TTLL5: variants seen among roughly 807,000 people sequenced by gnomAD.
The protein encoded by TTLL5 is tubulin tyrosine ligase like 5.
TTLL5 carries 132 observed loss-of-function variants against 168.4 expected under a neutral mutation model. The observed-to-expected ratio is 0.78, with a 90% CI of 0.68 to 0.91. TTLL5 has a LOEUF of 0.91. Ranked by LOEUF, TTLL5 falls within the 40% of genes least tolerant of loss-of-function variation. The probability of loss-of-function intolerance (pLI) is 0.00; values close to 1 mark genes in which losing one functional copy is unlikely to be tolerated. For missense variants in TTLL5, 1,545 were observed against 1,581.5 expected (o/e 0.98, Z 0.39); for synonymous variants, 546 against 558.6 (o/e 0.98, Z 0.32).
At chr14:75,760,702 G>A (rs1388139213) in intron 18 of TTLL5, among the ~76,000 whole-genome samples, 2 of 152,008 alleles carry the variant, frequency 1.3e-5, no homozygotes, top group Non-Finnish European at 2.9e-5. Context: ...TAAAAATGAG[G>A]ATGGAACAAC....
At chr14:75,685,156 C>G (rs896996179) in intron 5 of TTLL5, among the ~76,000 whole-genome samples, 3 of 152,036 alleles carry the variant, frequency 2.0e-5, no homozygotes, top group Admixed American at 1.3e-4. Flanking sequence ...CCAAGGCAGA[C>G]AGATCGCTTG....
chr14:75,693,509 A>G (rs1885605215), intron 6 of TTLL5, among the ~76,000 whole-genome samples: 1 of 152,258 alleles, frequency 6.6e-6, no homozygotes, highest in African/African-American at 2.4e-5. Flanking sequence ...AACTGTTCTC[A>G]GTAATTTGAG....
At chr14:75,935,674 A>G (rs1346402752) in intron 31 of TTLL5, among the ~76,000 whole-genome samples, 2 of 152,216 alleles carry the variant, frequency 1.3e-5, no homozygotes, top group Non-Finnish European at 2.9e-5. Flanking sequence ...AGATATTGTT[A>G]AGTAAAAGAT....
intron 31 of TTLL5, among the ~76,000 whole-genome samples, chr14:75,907,614 A>G (rs934059139): frequency 1.3e-5 from 2 of 152,236 alleles, no homozygotes; most frequent in African/African-American, 2.4e-5. Flanking sequence ...AGCTTCAAAT[A>G]TCTTTCCCTA....
intron 29 of TTLL5, among the ~76,000 whole-genome samples, chr14:75,864,783 CA>C (rs1388494359): frequency 6.6e-6 from 1 of 152,064 alleles, no homozygotes; most frequent in Non-Finnish European, 1.5e-5. Context: ...ATCTCCTGAT[CA>C]TTTTTTTCTT....
At chr14:75,685,406 T>C (rs1884972817) in intron 5 of TTLL5, among the ~76,000 whole-genome samples, 1 of 151,628 alleles carries the variant, frequency 6.6e-6, no homozygotes, top group African/African-American at 2.4e-5. Flanking sequence ...GGTGGTGTTA[T>C]GATTTTGTCT....
In TTLL5 at chr14:75,681,588, C is replaced by T. The variant is rs1490382792; in HGVS notation, c.225C>T (p.Arg75=). 2.5e-6 allele frequency: 4 copies of T among 1,613,402 alleles called. No homozygotes were observed. Among genetic ancestry groups the T allele is most frequent in the Non-Finnish European group, 2.5e-6 (3 of 1,179,970 alleles). Residue 75 remains arginine (R), a synonymous_variant, in exon 4 of 32, where the codon CGC becomes CGT. Transcript: ENST00000298832. ...ATAAGATTGTACGAACGGACAGTCG[C>T]CTAGTACGCAGCATTCTGACAGCCC... ...LSYKIVRTDS[R]LVRSILTAHG...
chr14:75,672,645 TGCTG>T (rs1258014402), intron 3 of TTLL5, among the ~76,000 whole-genome samples: 1 of 152,240 alleles, frequency 6.6e-6, no homozygotes, highest in Non-Finnish European at 1.5e-5. Flanking sequence ...ATCAGGGTAA[TGCTG>T]GCCTCATAGA....
intron 26 of TTLL5, 113 bp downstream of exon 26, chr14:75,783,643 C>A: frequency 7.2e-7 from 1 of 1,384,790 alleles, no homozygotes; most frequent in Non-Finnish European, 9.7e-7. Context: ...TGGAAATGGA[C>A]ACACACTGCA....
chr14:75,912,926 G>A (rs1313550685), intron 31 of TTLL5, among the ~76,000 whole-genome samples: 1 of 152,210 alleles, frequency 6.6e-6, no homozygotes, highest in Non-Finnish European at 1.5e-5. Flanking sequence ...AAGGAATATA[G>A]TCTAAGTTTC....
chr14:75,826,074 G>A (rs1010632842), intron 28 of TTLL5, among the ~76,000 whole-genome samples: 25 of 152,058 alleles, frequency 1.6e-4, no homozygotes, highest in African/African-American at 5.8e-4. Context: ...CTGGCTGGAC[G>A]TCATACCAGG....
chr14:75,951,432 C>T (rs2034957533), intron 31 of TTLL5, among the ~76,000 whole-genome samples: 1 of 152,064 alleles, frequency 6.6e-6, no homozygotes, highest in Admixed American at 6.6e-5. Flanking sequence ...TCCTGAATAG[C>T]ACTTATCTTA....
intron 12 of TTLL5, among the ~76,000 whole-genome samples, chr14:75,725,482 A>C (rs1166453635): frequency 2.6e-5 from 4 of 152,244 alleles, no homozygotes; most frequent in African/African-American, 9.6e-5. Flanking sequence ...ATTTCTTTTT[A>C]GTCTTCGACA....
At chr14:75,847,911 G>A (rs1032182932) in intron 28 of TTLL5, among the ~76,000 whole-genome samples, 5 of 151,218 alleles carry the variant, frequency 3.3e-5, no homozygotes, top group South Asian at 2.1e-4. Context: ...GCTGTTGCTG[G>A]TGGTCCGGTA....
Position 75,939,119 on chromosome 14 carries a change from C to T in TTLL5, c.3824-15305C>T, listed in dbSNP as rs149530538. ...AAGTTGGGGCTTTCATTTGTTTTAC[C>T]GTAGAGAGCCTGTTAAACATTTTCT... On this transcript the variant is annotated intron_variant, in intron 31 of 31. Coordinates refer to ENST00000298832, the MANE Select transcript of TTLL5 (RefSeq NM_015072.5). Among the ~76,000 whole-genome samples, 9 of 152,254 alleles carry T rather than the reference C, an allele frequency of 5.9e-5. No homozygotes were observed. The East Asian group carries it at 1.2e-3, about 20-fold the overall frequency.
intron 28 of TTLL5, among the ~76,000 whole-genome samples, chr14:75,830,275 C>T (rs900214941): frequency 6.6e-6 from 1 of 152,314 alleles, no homozygotes; most frequent in African/African-American, 2.4e-5. Context: ...AAAGTGAGCA[C>T]CTGCATCTGG....
intron 31 of TTLL5, among the ~76,000 whole-genome samples, chr14:75,919,820 C>T (rs896338734): frequency 3.3e-5 from 5 of 152,018 alleles, no homozygotes; most frequent in Non-Finnish European, 7.4e-5. Flanking sequence ...ACGGATACCA[C>T]CAAGAAATGT....
chr14:75,892,800 AC>A (rs1230837205), intron 30 of TTLL5, among the ~76,000 whole-genome samples: 1 of 152,128 alleles, frequency 6.6e-6, no homozygotes, highest in East Asian at 1.9e-4. Flanking sequence ...GCAATGACAT[AC>A]CCTTCCAACT....
At chr14:75,794,076 A>G (rs966165894) in intron 27 of TTLL5, among the ~76,000 whole-genome samples, 1 of 152,196 alleles carries the variant, frequency 6.6e-6, no homozygotes, top group Non-Finnish European at 1.5e-5. Flanking sequence ...TAAGCCTCTC[A>G]TGGAATTAGT....
Sources: gnomAD v4.1 joint callset for allele counts (sites outside exome capture counted in the v4.1 genomes callset) on GRCh38, gnomAD v4.1.1 for gene constraint, MANE v1.5 for transcripts, NCBI Gene and HGNC (gene_info 2026-07-23, HGNC 2026-07-21) for gene names.